Variants in STEAP3 observed in about 807,000 individuals in gnomAD.
STEAP3 encodes the protein STEAP3 metalloreductase.
Under a neutral mutation model 34.9 loss-of-function variants are expected in STEAP3, and 35 were observed. The ratio of observed to expected loss-of-function variants is 1.00; its 90% CI spans 0.76 to 1.33. The LOEUF (loss-of-function observed/expected upper bound fraction) is 1.33. STEAP3 is among the 40% of genes most tolerant of loss of function. STEAP3 has a pLI of 0.00. For missense variants in STEAP3, 652 were observed against 667.6 expected, an observed-to-expected ratio of 0.98 and a Z score of 0.26; for synonymous variants, 281 against 301.6, an observed-to-expected ratio of 0.93 and a Z score of 0.71.
chr2:119,224,073 C>T (rs1001884383), intron 1 of STEAP3, among the ~76,000 whole-genome samples, 185 bp downstream of exon 1: 2 of 152,214 alleles, frequency 1.3e-5, no homozygotes, highest in Non-Finnish European at 2.9e-5. Flanking sequence ...GGTTCCGGGG[C>T]CCCCACCCCG....
rs552496803 is a variant in STEAP3 at position 119,248,101 on chromosome 2, C to T, written c.945C>T (p.Ile315=). ...ACTGGCTACAGCACCGCAAGCAGAT[C>T]GGGCTGCTCAGCTTCTTCTGCGCCG... The part of the protein sequence containing the change: ...LDHWLQHRKQ[I]GLLSFFCAAL... The change falls in exon 4 of 6, where the codon ATC becomes ATT. Residue 315 remains isoleucine, a synonymous_variant. Transcript: ENST00000393110. 32 of 1,608,568 alleles carry T rather than the reference C, an allele frequency of 2.0e-5. No homozygotes were observed. The highest frequency in any genetic ancestry group is 5.3e-5 in the African/African-American group (4 of 74,916).
chr2:119,247,555 G>A (rs1231629419), intron 3 of STEAP3, 124 bp from the exon 4 acceptor site: 2 of 1,153,540 alleles, frequency 1.7e-6, no homozygotes, highest in Non-Finnish European at 2.4e-6. Flanking sequence ...CTGTACCATT[G>A]ACTGGCAGCT....
chr2:119,245,336 T>G (rs936764157), intron 2 of STEAP3, 153 bp from the exon 3 acceptor site: 1 of 1,111,884 alleles, frequency 9.0e-7, no homozygotes, highest in African/African-American at 1.6e-5. Context: ...GTGTTCAGCT[T>G]GTTCCCCTGG....
At chr2:119,226,111 C>T (rs969027754) in intron 1 of STEAP3, among the ~76,000 whole-genome samples, 1 of 152,228 alleles carries the variant, frequency 6.6e-6, no homozygotes, top group African/African-American at 2.4e-5. Context: ...CCAGGGTTCC[C>T]AGCTCAGTCT....
chr2:119,229,602 C>T (rs775334026), intron 1 of STEAP3, among the ~76,000 whole-genome samples: 1 of 152,230 alleles, frequency 6.6e-6, no homozygotes, highest in Non-Finnish European at 1.5e-5. Flanking sequence ...GGAATTCACA[C>T]ACATCTCTGT....
At chr2:119,230,086 GC>G (rs1425307115) in intron 1 of STEAP3, among the ~76,000 whole-genome samples, 1 of 152,196 alleles carries the variant, frequency 6.6e-6, no homozygotes, top group Non-Finnish European at 1.5e-5. Flanking sequence ...AGATAAAGAT[GC>G]CCGGGATACT....
chr2:119,251,902 C>T (rs76576316), intron 4 of STEAP3, among the ~76,000 whole-genome samples: 8,125 of 152,232 alleles, frequency 0.053, 295 homozygotes, highest in Middle Eastern at 0.11. Context: ...CCCATACCTG[C>T]CTCTGTAATC....
At chr2:119,250,644 C>A (rs1677596384) in intron 4 of STEAP3, among the ~76,000 whole-genome samples, 1 of 152,112 alleles carries the variant, frequency 6.6e-6, no homozygotes, top group Admixed American at 6.5e-5. Flanking sequence ...GGGGACGGTG[C>A]CCACTACCCC....
At chr2:119,251,722 T>C (rs982688881) in intron 4 of STEAP3, among the ~76,000 whole-genome samples, 1 of 152,078 alleles carries the variant, frequency 6.6e-6, no homozygotes, top group Admixed American at 6.5e-5. Context: ...TCATCTCCCC[T>C]TCTCCTGTGA....
At chr2:119,236,623 G>T (rs79539275) in intron 2 of STEAP3, among the ~76,000 whole-genome samples, 9,790 of 152,284 alleles carry the variant, frequency 0.064, 420 homozygotes, top group Middle Eastern at 0.11. Flanking sequence ...TCCTCTGCCT[G>T]GTTAGGGAAG....
intron 2 of STEAP3, among the ~76,000 whole-genome samples, chr2:119,233,505 G>A (rs1677005009): frequency 6.6e-6 from 1 of 152,158 alleles, no homozygotes. Context: ...GCTAGGTTCT[G>A]GGGAGAACAG....
intron 2 of STEAP3, among the ~76,000 whole-genome samples, chr2:119,231,441 G>A (rs1388396344): frequency 6.6e-6 from 1 of 151,380 alleles, no homozygotes; most frequent in East Asian, 1.9e-4. Context: ...ATTGGGAATT[G>A]TAAATTTTTC....
chr2:119,236,733 T>C (rs947788382), intron 2 of STEAP3, among the ~76,000 whole-genome samples: 1 of 152,180 alleles, frequency 6.6e-6, no homozygotes, highest in African/African-American at 2.4e-5. Context: ...CCCTCAGCCA[T>C]GTGGGTGAGC....
chr2:119,243,542 G>A (rs13027293), intron 2 of STEAP3, among the ~76,000 whole-genome samples: 1 of 152,072 alleles, frequency 6.6e-6, no homozygotes, highest in Non-Finnish European at 1.5e-5. Context: ...TACTTCCTGG[G>A]GTTCTTGTGA....
At chr2:119,231,683 A>T (rs1406024435) in intron 2 of STEAP3, among the ~76,000 whole-genome samples, 1 of 152,108 alleles carries the variant, frequency 6.6e-6, no homozygotes, top group Non-Finnish European at 1.5e-5. Context: ...AGTTTTCTGT[A>T]TTCTCTTTTG....
Position 119,264,805 on chromosome 2 carries a change from C to T in STEAP3, c.*1467C>T, listed in dbSNP as rs1319879371. The T allele has an allele frequency of 8.9e-6, 1 of 112,464 alleles. No individual in the cohort carries two copies. The allele number at this position is 112,464 out of a possible 1,614,324, so 7.0% of individuals were successfully genotyped here. On this transcript the variant is annotated 3_prime_UTR_variant, in exon 6 of 6. Coordinates refer to ENST00000393110, the MANE Select transcript of STEAP3 (RefSeq NM_182915.3). ...ATGTCACAGATGAGGCTGCCCCTGC[C>T]CCCCCCCCGCCAGGGAGGTTTCATG...
intron 4 of STEAP3, among the ~76,000 whole-genome samples, chr2:119,249,635 C>T (rs910668016): frequency 3.3e-5 from 5 of 152,072 alleles, no homozygotes; most frequent in Admixed American, 6.5e-5. Context: ...CAGGGCCATC[C>T]CCTCCGAGCA....
At chr2:119,233,600 A>G (rs574598436) in intron 2 of STEAP3, among the ~76,000 whole-genome samples, 1 of 152,312 alleles carries the variant, frequency 6.6e-6, no homozygotes, top group South Asian at 2.1e-4. Flanking sequence ...ACAAAAATGT[A>G]TTGAGCACTT....
At chr2:119,226,819 C>T (rs1679055073) in intron 1 of STEAP3, among the ~76,000 whole-genome samples, 3 of 152,156 alleles carry the variant, frequency 2.0e-5, no homozygotes, top group Admixed American at 2.0e-4. Flanking sequence ...CCGGGCCAAA[C>T]ACTTTATCTA....
Sources: gnomAD v4.1 joint callset for allele counts (sites outside exome capture counted in the v4.1 genomes callset) on GRCh38, gnomAD v4.1.1 for gene constraint, MANE v1.5 for transcripts, NCBI Gene and HGNC (gene_info 2026-07-23, HGNC 2026-07-21) for gene names.